The following RIMBP2 variants were observed in gnomAD, a reference collection of about 807,000 sequenced individuals.
The protein encoded by RIMBP2 is RIMS-binding protein 2.
RIMBP2 carries 48 observed loss-of-function variants against 118.6 expected under a neutral mutation model. The ratio of observed to expected loss-of-function variants is 0.40; its 90% CI spans 0.32 to 0.51. The LOEUF is 0.51. Ranked by LOEUF, RIMBP2 falls within the 20% of genes least tolerant of loss-of-function variation. The pLI is 0.41. For synonymous variants in RIMBP2, 762 were observed against 742.9 expected, an observed-to-expected ratio of 1.03 and a Z score of -0.42; for missense variants, 1,551 against 1,768.3, an observed-to-expected ratio of 0.88 and a Z score of 2.20.
chr12:130,603,793 A>G lies in RIMBP2; in HGVS notation c.-217+24529T>C, dbSNP rs184316576. Among the ~76,000 whole-genome samples the G allele has an allele frequency of 1.7e-3, 254 of 152,308 alleles. 1 individual carries two copies. The highest frequency in any genetic ancestry group is 3.4e-3 in the Middle Eastern group (1 of 294). On this transcript the variant is annotated intron_variant, in intron 2 of 22. Transcript: ENST00000690449. ...TGGTGACACTGCTGTAAACAAACCC[A>G]CTGCACCGCCAGTCCTAGAAAAGCC...
intron 4 of RIMBP2, among the ~76,000 whole-genome samples, chr12:130,495,502 C>A (rs1054636673): frequency 2.0e-5 from 3 of 152,222 alleles, no homozygotes; most frequent in African/African-American, 7.2e-5. Context: ...TGGCTCATCA[C>A]CGTCTTCCTC....
intron 4 of RIMBP2, among the ~76,000 whole-genome samples, chr12:130,487,832 C>A (rs2082613575): frequency 6.6e-6 from 1 of 152,110 alleles, no homozygotes. Context: ...GAATCAATGA[C>A]AGCAAAGGTG....
chr12:130,501,571 G>A (rs2049785632), intron 4 of RIMBP2, among the ~76,000 whole-genome samples: 1 of 152,162 alleles, frequency 6.6e-6, no homozygotes, highest in Non-Finnish European at 1.5e-5. Flanking sequence ...CCCTTTCCAT[G>A]TCAGTGACCC....
At chr12:130,685,153 T>G (rs1210204907) in intron 1 of RIMBP2, among the ~76,000 whole-genome samples, 1 of 152,192 alleles carries the variant, frequency 6.6e-6, no homozygotes, top group African/African-American at 2.4e-5. Flanking sequence ...GGACAATGTC[T>G]GCTGCCTTCT....
chr12:130,502,801 T>C (rs1441852913), intron 4 of RIMBP2, among the ~76,000 whole-genome samples: 1 of 152,180 alleles, frequency 6.6e-6, no homozygotes, highest in Non-Finnish European at 1.5e-5. Context: ...TAGTGCTCAA[T>C]CAATCCTTGT....
At chr12:130,675,818 G>A (rs1000455261) in intron 1 of RIMBP2, among the ~76,000 whole-genome samples, 2 of 152,114 alleles carry the variant, frequency 1.3e-5, no homozygotes, top group Non-Finnish European at 2.9e-5. Flanking sequence ...TCCCACTCGG[G>A]TATTTACCCA....
chr12:130,690,326 C>A (rs982974027), intron 1 of RIMBP2, among the ~76,000 whole-genome samples: 1 of 152,170 alleles, frequency 6.6e-6, no homozygotes, highest in African/African-American at 2.4e-5. Context: ...GGGAATCTTG[C>A]TGGGCACTGC....
intron 1 of RIMBP2, among the ~76,000 whole-genome samples, chr12:130,675,050 C>T (rs1030384465): frequency 6.6e-6 from 1 of 152,134 alleles, no homozygotes; most frequent in African/African-American, 2.4e-5. Context: ...ACAGATGTTC[C>T]CACCCATTCG....
chr12:130,469,841 G>A lies in RIMBP2; in HGVS notation c.153+852C>T, dbSNP rs760295786. On this transcript the variant is annotated intron_variant, in intron 6 of 22. Transcript: ENST00000690449. This position sits in a 1 kb window ranked among gnomAD's most constrained non-coding sequence, Gnocchi z 4.8. ...CGCCACCCCAGGGCAGATCCCCTCCGAGGTAAATCTCTCCTTGAGGGGGTG... is the reference window on the plus strand; with the variant it reads ...CGCCACCCCAGGGCAGATCCCCTCCAAGGTAAATCTCTCCTTGAGGGGGTG... 6.6e-5 allele frequency among the ~76,000 whole-genome samples: 10 copies of A among 152,182 alleles called. No homozygotes were observed. The highest frequency in any genetic ancestry group is 1.7e-4 in the African/African-American group (7 of 41,440).
intron 3 of RIMBP2, among the ~76,000 whole-genome samples, chr12:130,510,319 G>A (rs2050783065): frequency 6.6e-6 from 1 of 152,032 alleles, no homozygotes; most frequent in South Asian, 2.1e-4. Flanking sequence ...GGTGGCAATT[G>A]CAGTGACTTA....
rs2139164913 is a variant in RIMBP2, at chr12:130,523,008, G to A, written c.-216-5091C>T. On this transcript the variant is annotated intron_variant, in intron 2 of 22. Coordinates refer to ENST00000690449, the MANE Select transcript of RIMBP2 (RefSeq NM_001393629.1). This position sits in a 1 kb window ranked among gnomAD's most constrained non-coding sequence, Gnocchi z 4.4. ...TGCCTCGGTTTTAGTTTTTCTTTCTGCCTCTATGTCTATCTCTCTGTTCAT... is the reference window on the plus strand; with the variant it reads ...TGCCTCGGTTTTAGTTTTTCTTTCTACCTCTATGTCTATCTCTCTGTTCAT... 1.3e-5 allele frequency among the ~76,000 whole-genome samples: 2 copies of A among 151,880 alleles called. No homozygotes were observed. The highest frequency in any genetic ancestry group is 2.1e-4 in the South Asian group (1 of 4,808).
chr12:130,700,491 G>A (rs1266237763), intron 1 of RIMBP2, among the ~76,000 whole-genome samples: 1 of 152,146 alleles, frequency 6.6e-6, no homozygotes, highest in Non-Finnish European at 1.5e-5. Context: ...CTGGGTCAGG[G>A]GCCCTCAATC....
intron 2 of RIMBP2, among the ~76,000 whole-genome samples, chr12:130,538,996 G>A (rs978105849): frequency 6.6e-6 from 1 of 152,200 alleles, no homozygotes; most frequent in Non-Finnish European, 1.5e-5. Context: ...GCTCTGCAGA[G>A]CTCCTGGGGC....
chr12:130,491,225 TA>T (rs2048611639), intron 4 of RIMBP2, among the ~76,000 whole-genome samples: 1 of 152,188 alleles, frequency 6.6e-6, no homozygotes, highest in Non-Finnish European at 1.5e-5. Flanking sequence ...AAGCAGGTGA[TA>T]TTTTTATTCC....
chr12:130,461,270 G>A (rs1273589020), intron 6 of RIMBP2, among the ~76,000 whole-genome samples: 1 of 152,210 alleles, frequency 6.6e-6, no homozygotes, highest in Non-Finnish European at 1.5e-5. Context: ...GGGGGTCCCG[G>A]AGTGGACTTG....
intron 1 of RIMBP2, among the ~76,000 whole-genome samples, chr12:130,708,446 A>G (rs764503947): frequency 1.3e-5 from 2 of 152,158 alleles, no homozygotes; most frequent in Non-Finnish European, 2.9e-5. Flanking sequence ...TCAGCACTTC[A>G]GGAGGCTGAG....
intron 21 of RIMBP2, among the ~76,000 whole-genome samples, chr12:130,401,541 A>C (rs1336526877): frequency 6.7e-6 from 1 of 150,156 alleles, no homozygotes; most frequent in Non-Finnish European, 1.5e-5. Context: ...GCCCCGCCCC[A>C]CTCTTCTGCT....
chr12:130,492,139 G>A (rs755826851), intron 4 of RIMBP2, among the ~76,000 whole-genome samples: 4 of 152,170 alleles, frequency 2.6e-5, no homozygotes, highest in East Asian at 1.9e-4. Context: ...GATCTGCTAC[G>A]CGTGGTAGAA....
chr12:130,414,467 G>A (rs771292202), intron 17 of RIMBP2, 161 bp from the exon 18 acceptor site: 3 of 635,972 alleles, frequency 4.7e-6, no homozygotes, highest in African/African-American at 3.7e-5. Flanking sequence ...GGAGGTCTAG[G>A]TCAGATGAAT....
Sources: gnomAD v4.1 joint callset for allele counts (sites outside exome capture counted in the v4.1 genomes callset) on GRCh38, gnomAD v4.1.1 for gene constraint, Gnocchi (gnomAD v3.1) non-coding constraint, MANE v1.5 for transcripts, NCBI Gene and HGNC (gene_info 2026-07-23, HGNC 2026-07-21) for gene names.